GRM5: variants seen among roughly 807,000 people sequenced by gnomAD.
GRM5 encodes glutamate metabotropic receptor 5.
Under a neutral mutation model 83.1 loss-of-function variants are expected in GRM5, and 19 were observed. That is an observed-to-expected ratio of 0.23 (90% CI 0.16 to 0.34). The LOEUF is 0.34. Among genes scored for constraint, GRM5 ranks in the 10% least tolerant of loss-of-function variants. The pLI, the probability that GRM5 is intolerant of heterozygous loss-of-function variation, is 1.00. For synonymous variants in GRM5, 675 were observed against 633.6 expected (o/e 1.07, Z -0.98); for missense variants, 1,160 against 1,588.3 (o/e 0.73, Z 4.58).
chr11:88,604,638 G>A, intron 5 of GRM5, 80 bp downstream of exon 5: 2 of 1,184,882 alleles, frequency 1.7e-6, no homozygotes, highest in Non-Finnish European at 2.4e-6. Flanking sequence ...TAACCACAAA[G>A]GAGAGAAAGA....
At chr11:88,552,353 A>C (rs1942528483) in intron 8 of GRM5, among the ~76,000 whole-genome samples, 1 of 152,134 alleles carries the variant, frequency 6.6e-6, no homozygotes, top group South Asian at 2.1e-4. Flanking sequence ...TGGTTATGGA[A>C]ATGTGATATC....
In GRM5 at chr11:89,058,933, T is replaced by C. The variant is rs1941931548; in HGVS notation, c.-201+6843A>G. Reference sequence around the variant, plus strand: ...TTCATTTTATTTATTTTTAAACAAATGATATAATAGTGTATTATTTACTTC... The same window carrying C: ...TTCATTTTATTTATTTTTAAACAAACGATATAATAGTGTATTATTTACTTC... On this transcript the variant is annotated intron_variant, in intron 1 of 9. Transcript: ENST00000305447. Among the ~76,000 whole-genome samples the C allele has an allele frequency of 3.3e-5, 5 of 152,170 alleles. No individual in the cohort carries two copies. In the South Asian group the frequency reaches 1.0e-3, roughly 31 times the overall value.
chr11:88,522,407 T>G (rs1178736597), intron 9 of GRM5, among the ~76,000 whole-genome samples: 1 of 152,128 alleles, frequency 6.6e-6, no homozygotes, highest in African/African-American at 2.4e-5. Flanking sequence ...TTATTTCTCC[T>G]GGATAAATAT....
chr11:88,781,295 T>C (rs566913932), intron 3 of GRM5, among the ~76,000 whole-genome samples: 1 of 152,214 alleles, frequency 6.6e-6, no homozygotes, highest in Admixed American at 6.6e-5. Flanking sequence ...TGGGCATGTC[T>C]GACTCTAAAG....
At chr11:88,631,752 A>G (rs964590875) in intron 4 of GRM5, among the ~76,000 whole-genome samples, 1 of 152,182 alleles carries the variant, frequency 6.6e-6, no homozygotes, top group African/African-American at 2.4e-5. Flanking sequence ...CTCAAAAGGG[A>G]TAAGCTTAGG....
chr11:88,591,197 T>C (rs550376753), intron 6 of GRM5, among the ~76,000 whole-genome samples: 3 of 152,320 alleles, frequency 2.0e-5, no homozygotes, highest in Admixed American at 1.3e-4. Context: ...TCTGTCCATA[T>C]TGATAAAAAT....
intron 3 of GRM5, among the ~76,000 whole-genome samples, chr11:88,746,915 T>C (rs890518516): frequency 1.5e-4 from 23 of 152,164 alleles, no homozygotes; most frequent in African/African-American, 5.3e-4. Flanking sequence ...CGTTTAGACC[T>C]TGTGTTTCTT....
At chr11:88,850,933 A>G (rs960941326) in intron 2 of GRM5, among the ~76,000 whole-genome samples, 2 of 152,130 alleles carry the variant, frequency 1.3e-5, no homozygotes, top group African/African-American at 4.8e-5. Flanking sequence ...ACCTTTATAT[A>G]TGTGATCTAA....
At chr11:88,879,667 T>C (rs879631020) in intron 2 of GRM5, among the ~76,000 whole-genome samples, 29 of 152,066 alleles carry the variant, frequency 1.9e-4, no homozygotes, top group Non-Finnish European at 4.0e-4. Context: ...GAGCATATTT[T>C]TCCTTGATTA....
rs199623424 is a variant in GRM5, at chr11:88,524,669, A to G, written c.2726+640T>C. ...TAGTATAAAAGAACATGCACAGCACAGCGACAGAGAATGTTCATCACCAAA... is the reference window on the plus strand; with the variant it reads ...TAGTATAAAAGAACATGCACAGCACGGCGACAGAGAATGTTCATCACCAAA... On this transcript the variant is annotated intron_variant, in intron 9 of 9. Coordinates refer to ENST00000305447, the MANE Select transcript of GRM5 (RefSeq NM_001143831.3). Among the ~76,000 whole-genome samples the G allele has an allele frequency of 1.8e-4, 27 of 152,352 alleles. No homozygotes were observed. The East Asian group carries it at 4.8e-3, about 27-fold the overall frequency.
intron 4 of GRM5, among the ~76,000 whole-genome samples, chr11:88,645,316 A>C (rs1939414090): frequency 6.6e-6 from 1 of 152,126 alleles, no homozygotes; most frequent in Admixed American, 6.6e-5. Context: ...ATTAAAGTCA[A>C]AGTAAGAACA....
chr11:88,841,289 A>G (rs1944195634), intron 3 of GRM5, among the ~76,000 whole-genome samples: 1 of 152,178 alleles, frequency 6.6e-6, no homozygotes. Flanking sequence ...CTTCTTGGGC[A>G]ACAGAAGCTG....
At chr11:88,824,181 A>G (rs1483688512) in intron 3 of GRM5, among the ~76,000 whole-genome samples, 1 of 152,220 alleles carries the variant, frequency 6.6e-6, no homozygotes, top group Non-Finnish European at 1.5e-5. Flanking sequence ...GCATTAAGAA[A>G]AAAAAACCCT....
chr11:88,976,415 A>T (rs911189796), intron 2 of GRM5, among the ~76,000 whole-genome samples: 1 of 152,116 alleles, frequency 6.6e-6, no homozygotes, highest in Non-Finnish European at 1.5e-5. Flanking sequence ...TTTCTCAAAT[A>T]GAACTATGGT....
At chr11:88,650,984 A>G (rs568764166) in intron 4 of GRM5, among the ~76,000 whole-genome samples, 4 of 152,146 alleles carry the variant, frequency 2.6e-5, no homozygotes, top group African/African-American at 9.6e-5. Context: ...CCAATGTACC[A>G]AATGACATCT....
intron 3 of GRM5, among the ~76,000 whole-genome samples, chr11:88,840,960 C>T (rs1944188200): frequency 6.6e-6 from 1 of 152,118 alleles, no homozygotes; most frequent in Non-Finnish European, 1.5e-5. Context: ...CTCTAAATGT[C>T]CAGGTCTTCT....
chr11:88,957,346 G>A (rs1321032416), intron 2 of GRM5, among the ~76,000 whole-genome samples: 1 of 152,202 alleles, frequency 6.6e-6, no homozygotes, highest in Non-Finnish European at 1.5e-5. Flanking sequence ...ATTCAGAAGA[G>A]GAGGACTGTG....
At chr11:88,612,777 T>C (rs1001706453) in intron 4 of GRM5, 1 of 152,242 alleles carries the variant, frequency 6.6e-6, no homozygotes, top group African/African-American at 2.4e-5. Flanking sequence ...TTTTGAGAAG[T>C]GTCTGTTCAT....
intron 3 of GRM5, among the ~76,000 whole-genome samples, chr11:88,748,882 C>G (rs1942200542): frequency 6.6e-6 from 1 of 152,088 alleles, no homozygotes. Flanking sequence ...TAAAAACAAC[C>G]AAACCGAAAA....
Sources: allele counts gnomAD v4.1 joint callset (sites outside exome capture counted in the v4.1 genomes callset), GRCh38; gene constraint gnomAD v4.1.1; transcripts MANE v1.5; gene names NCBI Gene and HGNC (gene_info 2026-07-23, HGNC 2026-07-21).